Variants in NR3C2 observed in about 807,000 individuals in gnomAD.
NR3C2 encodes nuclear receptor subfamily 3 group C member 2.
Under a neutral mutation model 86.4 loss-of-function variants are expected in NR3C2, and 15 were observed. The observed-to-expected ratio is 0.17, with a 90% CI of 0.12 to 0.27. The LOEUF is 0.27. NR3C2 is among the 10% of genes least tolerant of loss of function. The pLI is 1.00. For missense variants in NR3C2, 960 were observed against 1,195.6 expected (o/e 0.80, Z 2.91); for synonymous variants, 458 against 450.5 (o/e 1.02, Z -0.21).
chr4:148,305,188 G>T (rs182131243), intron 2 of NR3C2, among the ~76,000 whole-genome samples: 2 of 152,022 alleles, frequency 1.3e-5, no homozygotes, highest in Non-Finnish European at 2.9e-5. Context: ...GTAGGAAATC[G>T]TTCATTTTTC....
At chr4:148,155,470 C>T (rs1042489939) in intron 4 of NR3C2, among the ~76,000 whole-genome samples, 6 of 152,066 alleles carry the variant, frequency 3.9e-5, no homozygotes, top group African/African-American at 1.4e-4. Flanking sequence ...ACACCAATAA[C>T]AGACAAACAG....
At chr4:148,279,945 G>C (rs1337905910) in intron 2 of NR3C2, among the ~76,000 whole-genome samples, 2 of 152,074 alleles carry the variant, frequency 1.3e-5, no homozygotes, top group African/African-American at 4.8e-5. Context: ...GGCTGGTCTT[G>C]AACTCCTGAC....
At chr4:148,174,854 C>G (rs1735298137) in intron 4 of NR3C2, among the ~76,000 whole-genome samples, 1 of 152,162 alleles carries the variant, frequency 6.6e-6, no homozygotes, top group South Asian at 2.1e-4. Context: ...TGCTTGTCCT[C>G]TCCAACGATA....
intron 2 of NR3C2, among the ~76,000 whole-genome samples, chr4:148,318,750 G>C (rs987574469): frequency 6.6e-6 from 1 of 152,000 alleles, no homozygotes; most frequent in Non-Finnish European, 1.5e-5. Context: ...AAATTTGTTT[G>C]AGTTCATTGT....
intron 2 of NR3C2, among the ~76,000 whole-genome samples, chr4:148,422,801 A>C (rs1278630127): frequency 6.6e-6 from 1 of 152,130 alleles, no homozygotes; most frequent in East Asian, 1.9e-4. Flanking sequence ...GTAGTCTAAT[A>C]AAAGGTACTC....
At chr4:148,382,242 A>C (rs947849095) in intron 2 of NR3C2, among the ~76,000 whole-genome samples, 3 of 152,186 alleles carry the variant, frequency 2.0e-5, no homozygotes, top group African/African-American at 7.2e-5. Context: ...AGGATCTCTA[A>C]TGAGTTAGTT....
At chr4:148,102,539 C>T (rs1031423046) in intron 8 of NR3C2, among the ~76,000 whole-genome samples, 2 of 152,074 alleles carry the variant, frequency 1.3e-5, no homozygotes, top group Non-Finnish European at 2.9e-5. Context: ...CTTTGACTTG[C>T]TCTCTCCTCT....
intron 3 of NR3C2, among the ~76,000 whole-genome samples, chr4:148,236,639 C>A (rs1048985000): frequency 6.6e-6 from 1 of 152,266 alleles, no homozygotes; most frequent in South Asian, 2.1e-4. Flanking sequence ...GTTTTATGCA[C>A]TTAAATCAAA....
At chr4:148,173,701 A>G (rs1735239605) in intron 4 of NR3C2, among the ~76,000 whole-genome samples, 1 of 152,262 alleles carries the variant, frequency 6.6e-6, no homozygotes, top group African/African-American at 2.4e-5. Context: ...TAGTAAACTA[A>G]TTCCCACAGG....
At chr4:148,094,987 T>G (rs1209783368) in intron 8 of NR3C2, among the ~76,000 whole-genome samples, 1 of 152,146 alleles carries the variant, frequency 6.6e-6, no homozygotes, top group Non-Finnish European at 1.5e-5. Flanking sequence ...ATGAGGTACC[T>G]AGAGTAGCCA....
intron 2 of NR3C2, among the ~76,000 whole-genome samples, chr4:148,385,025 C>G (rs1206538896): frequency 6.6e-6 from 1 of 152,296 alleles, no homozygotes; most frequent in East Asian, 1.9e-4. Flanking sequence ...TGGATAATTG[C>G]TCCTCTGGTG....
At chr4:148,144,047 C>A (rs1158417275) in intron 6 of NR3C2, among the ~76,000 whole-genome samples, 1 of 151,792 alleles carries the variant, frequency 6.6e-6, no homozygotes, top group Admixed American at 6.6e-5. Flanking sequence ...TAGGTGTTTC[C>A]ACCTTTCTCA....
At chr4:148,147,453 C>T (rs1346375253) in intron 6 of NR3C2, among the ~76,000 whole-genome samples, 2 of 152,224 alleles carry the variant, frequency 1.3e-5, no homozygotes, top group Admixed American at 6.5e-5. Flanking sequence ...TTGTTTGGTT[C>T]ATTTTTTCAA....
intron 2 of NR3C2, among the ~76,000 whole-genome samples, chr4:148,328,009 C>T (rs1744050653): frequency 6.6e-6 from 1 of 152,062 alleles, no homozygotes; most frequent in South Asian, 2.1e-4. Context: ...TAATACTATG[C>T]CCCAGCTTGT....
At chr4:148,258,852 T>A (rs1427991997) in intron 3 of NR3C2, among the ~76,000 whole-genome samples, 1 of 152,220 alleles carries the variant, frequency 6.6e-6, no homozygotes, top group African/African-American at 2.4e-5. Flanking sequence ...GCCAGTTTGC[T>A]GTATTTTCTA....
chr4:148,081,485 C>G lies in NR3C2; in HGVS notation c.2814G>C (p.Leu938=), dbSNP rs1730556230. 6.2e-7 allele frequency: 1 copy of G among 1,614,052 alleles called. No homozygotes were observed. The highest frequency in any genetic ancestry group is 8.5e-7 in the Non-Finnish European group (1 of 1,179,946). ...GGAAGGTGTAGAAGCAGAATTCCAG[C>G]AGGTCGCTCACCAGCTGTAACACAG... ...LDSMHDLVSD[L]LEFCFYTFRE... is the part of the protein sequence containing the mutation. Residue 938 remains leucine (L), a synonymous_variant, in exon 9 of 9, where the codon CTG becomes CTC. Coordinates refer to ENST00000358102, the MANE Select transcript of NR3C2 (RefSeq NM_000901.5).
chr4:148,153,777 G>T (rs1390594822), intron 5 of NR3C2, among the ~76,000 whole-genome samples: 1 of 152,142 alleles, frequency 6.6e-6, no homozygotes, highest in Non-Finnish European at 1.5e-5. Flanking sequence ...AAAGGGTGCT[G>T]GGGGCCAGGT....
In NR3C2 at chr4:148,435,364, A is replaced by C. The variant is rs5525; in HGVS notation, c.1497T>G (p.Asp499Glu). ...FPVGIKQEPD[D>E]GSYYPEASIP... is the part of the protein sequence containing the mutation. ...TGCTGGCCTCTGGGTAATAGCTCCC[A>C]TCATCTGGTTCTTGTTTAATACCCA... The change falls in exon 2 of 9, where the codon GAT becomes GAG. Residue 499 changes from aspartate (D) to glutamate (E), a missense_variant. By Grantham distance (45) the Asp-to-Glu change is conservative (BLOSUM62 2). Transcript: ENST00000358102. The C allele has an allele frequency of 6.2e-6, 10 of 1,614,054 alleles. No homozygotes were observed. Among genetic ancestry groups the C allele is most frequent in the Non-Finnish European group, 8.5e-6 (10 of 1,180,012 alleles).
At chr4:148,267,939 G>GTTTTTT (rs71594257) in intron 2 of NR3C2, among the ~76,000 whole-genome samples, 1 of 116,516 alleles carries the variant, frequency 8.6e-6, no homozygotes, top group Non-Finnish European at 1.8e-5. Context: ...GAGTCACAGT[G>GTTTTTT]TTTTTTTTTT....
Sources: allele counts gnomAD v4.1 joint callset (sites outside exome capture counted in the v4.1 genomes callset), GRCh38; gene constraint gnomAD v4.1.1; transcripts MANE v1.5; gene names NCBI Gene and HGNC (gene_info 2026-07-23, HGNC 2026-07-21).